The following FMNL3 variants were observed in gnomAD, a reference collection of about 807,000 sequenced individuals.
FMNL3 encodes the protein formin-like protein 3.
FMNL3 carries 57 observed loss-of-function variants against 119.6 expected under a neutral mutation model. That is an observed-to-expected ratio of 0.48 (90% CI 0.39 to 0.59). FMNL3 has a LOEUF of 0.59. Ranked by LOEUF, FMNL3 falls within the 20% of genes least tolerant of loss-of-function variation. FMNL3 has a pLI of 0.00. For missense variants in FMNL3, 1,053 were observed against 1,323.5 expected, an observed-to-expected ratio of 0.80 and a Z score of 3.17; for synonymous variants, 491 against 507.3, an observed-to-expected ratio of 0.97 and a Z score of 0.43.
Position 49,637,048 on chromosome 12 carries a change from C to T in FMNL3, c.*8767G>A. On this transcript the variant is annotated 3_prime_UTR_variant, in exon 26 of 26. Coordinates refer to ENST00000335154, the MANE Select transcript of FMNL3 (RefSeq NM_175736.5). ...TCTGGACTGTGCTCTTCTAGGGAGA[C>T]TAGATGTATGCACCACCCAGAAACT... 2 of 789,722 alleles carry T rather than the reference C, an allele frequency of 2.5e-6. No homozygotes were observed. The highest frequency in any genetic ancestry group is 1.8e-5 in the South Asian group (1 of 54,826). The allele number at this position is 789,722 out of a possible 1,614,324, so 48.9% of individuals were successfully genotyped here.
At position 49,641,785 on chromosome 12, in the gene FMNL3, C is replaced by T. The variant is rs1433083039; in HGVS notation, c.*4030G>A. Reference sequence around the variant, plus strand: ...ATAACTTGGTTTCTAATGCAGACCACAGTCCTGTGGATCTCTTCCAGAGGC... The same window carrying T: ...ATAACTTGGTTTCTAATGCAGACCATAGTCCTGTGGATCTCTTCCAGAGGC... On this transcript the variant is annotated 3_prime_UTR_variant, in exon 26 of 26. Transcript: ENST00000335154. 6 of 750,828 alleles carry T rather than the reference C, an allele frequency of 8.0e-6. No homozygotes were observed. The highest frequency in any genetic ancestry group is 1.1e-5 in the Non-Finnish European group (5 of 445,322). The allele number at this position is 750,828 out of a possible 1,614,324, so 46.5% of individuals were successfully genotyped here. A position where few individuals can be genotyped will look rare whatever the true frequency, so the allele number is the denominator to read the frequency against.
Position 49,661,954 on chromosome 12 carries a change from G to C in FMNL3, c.452+12C>G, listed in dbSNP as rs139559189. 3,334 of 1,613,428 alleles carry C rather than the reference G, an allele frequency of 2.1e-3. 33 individuals carry two copies. The highest frequency in any genetic ancestry group is 0.012 in the South Asian group (1,091 of 91,050). On this transcript the variant is annotated intron_variant, in intron 5 of 25. Transcript: ENST00000335154. ...AACTGGTCCCCAACTTCAGCCCCGGGGTGGTACTCACATGACAGAACACTG... is the reference window on the plus strand; with the variant it reads ...AACTGGTCCCCAACTTCAGCCCCGGCGTGGTACTCACATGACAGAACACTG...
At chr12:49,690,347 C>T (rs1173076976) in intron 1 of FMNL3, among the ~76,000 whole-genome samples, 3 of 152,136 alleles carry the variant, frequency 2.0e-5, no homozygotes, top group Non-Finnish European at 4.4e-5. Context: ...ATGGAATGAA[C>T]ATTTAGAATA....
chr12:49,659,364 C>G (rs543801578), intron 5 of FMNL3, among the ~76,000 whole-genome samples: 1 of 152,266 alleles, frequency 6.6e-6, no homozygotes, highest in East Asian at 1.9e-4. Flanking sequence ...AATGGTTTGT[C>G]ACTTTCTGCT....
chr12:49,655,531 C>G lies in FMNL3; in HGVS notation c.886-547G>C, dbSNP rs1322837191. On this transcript the variant is annotated intron_variant, in intron 9 of 25. Transcript: ENST00000335154. Reference sequence around the variant, plus strand: ...ATTCAGTAAAGCCTGTGCCCTTAAGCTGGGCTTTAGGTGCCTCTGGGGATA... The same window carrying G: ...ATTCAGTAAAGCCTGTGCCCTTAAGGTGGGCTTTAGGTGCCTCTGGGGATA... 2.6e-5 allele frequency among the ~76,000 whole-genome samples: 4 copies of G among 152,148 alleles called. No homozygotes were observed. In the South Asian group the frequency reaches 8.3e-4, roughly 31 times the overall value.
In FMNL3 at chr12:49,636,841, G is replaced by A; in HGVS notation, c.*8974C>T. ...ACGCCAACAACGCAAGAATCGGGAG[G>A]CCTTCCAGGTATCTTTGCTGTCCTT... On this transcript the variant is annotated 3_prime_UTR_variant, in exon 26 of 26. Coordinates refer to ENST00000335154, the MANE Select transcript of FMNL3 (RefSeq NM_175736.5). The A allele has an allele frequency of 6.2e-7, 1 of 1,613,922 alleles. No individual in the cohort carries two copies. Among genetic ancestry groups the A allele is most frequent in the Non-Finnish European group, 8.5e-7 (1 of 1,180,014 alleles).
chr12:49,697,682 AT>A (rs905180181), intron 1 of FMNL3, among the ~76,000 whole-genome samples: 2 of 152,200 alleles, frequency 1.3e-5, no homozygotes, highest in African/African-American at 4.8e-5. Flanking sequence ...AAAGTGGGTA[AT>A]GTATATACAA....
At position 49,642,480 on chromosome 12, in the gene FMNL3, C is replaced by A; in HGVS notation, c.*3335G>T. 6.4e-7 allele frequency: 1 copy of A among 1,572,244 alleles called. No homozygotes were observed. Among genetic ancestry groups the A allele is most frequent in the South Asian group, 1.1e-5 (1 of 89,470 alleles). On this transcript the variant is annotated 3_prime_UTR_variant, in exon 26 of 26. Transcript: ENST00000335154. This position sits in a 1 kb window ranked among gnomAD's most constrained non-coding sequence, Gnocchi z 5.8. The stretch of plus-strand genomic sequence containing the variant: ...TCACAGCCCTGGGCCAGCTCCAGTT[C>A]CCTTCCTTTCTCTGCCCCAGCCCTG...
Position 49,649,958 on chromosome 12 carries a change from A to C in FMNL3, c.2001-33T>G. ...GGAGGGAGGGACCACCTCAGTTCTC[A>C]CATCTCTCCACGTTTTCCCTCATCC... On this transcript the variant is annotated intron_variant, in intron 17 of 25. Transcript: ENST00000335154. This position sits in a 1 kb window ranked among gnomAD's most constrained non-coding sequence, Gnocchi z 5.6. 7.8e-5 allele frequency: 122 copies of C among 1,556,438 alleles called. No individual in the cohort carries two copies. The highest frequency in any genetic ancestry group is 9.9e-5 in the Non-Finnish European group (112 of 1,136,298).
At position 49,638,605 on chromosome 12, in the gene FMNL3, A is replaced by T. The variant is rs180790787; in HGVS notation, c.*7210T>A. 6.6e-6 allele frequency: 1 copy of T among 152,328 alleles called. No homozygotes were observed. The highest frequency in any genetic ancestry group is 1.5e-5 in the Non-Finnish European group (1 of 68,034). The allele number at this position is 152,328 out of a possible 1,614,324, so 9.4% of individuals were successfully genotyped here. ...GTGATGGACTAAACCTTGTGTTCCA[A>T]AAGAAAAAAACAAAGAGCATATTTC... On this transcript the variant is annotated 3_prime_UTR_variant, in exon 26 of 26. Transcript: ENST00000335154.
At position 49,644,628 on chromosome 12, in the gene FMNL3, T is replaced by A. The variant is rs1943084568; in HGVS notation, c.*1187A>T. 5.3e-6 allele frequency: 1 copy of A among 187,680 alleles called. No homozygotes were observed. The highest frequency in any genetic ancestry group is 1.0e-4 in the South Asian group (1 of 9,754). 11.6% of individuals were successfully genotyped at this position (187,680 alleles called of 1,614,324 possible). A position where few individuals can be genotyped will look rare whatever the true frequency, so the allele number is the denominator to read the frequency against. ...ACCCAGGACCTAATGTACGTGTGTT[T>A]TGTTTTTTGTTTTTTAAATAACAAT... On this transcript the variant is annotated 3_prime_UTR_variant, in exon 26 of 26. Transcript: ENST00000335154.
At chr12:49,697,727 A>G (rs796968378) in intron 1 of FMNL3, among the ~76,000 whole-genome samples, 1 of 152,236 alleles carries the variant, frequency 6.6e-6, no homozygotes, top group Admixed American at 6.5e-5. Flanking sequence ...TATAGGTTAC[A>G]AAGTGTTTTC....
At chr12:49,650,608 A>G (rs1258590594) in intron 17 of FMNL3, 68 bp downstream of exon 17, 5 of 1,568,588 alleles carry the variant, frequency 3.2e-6, no homozygotes, top group Admixed American at 1.7e-5. Context: ...AGGGAAACCC[A>G]GGCTCCTGGG....
chr12:49,667,156 T>C (rs1238697720), intron 2 of FMNL3, among the ~76,000 whole-genome samples: 3 of 152,128 alleles, frequency 2.0e-5, no homozygotes, highest in African/African-American at 7.2e-5. Context: ...CTTAGCATTC[T>C]GGTCCTATTA....
intron 1 of FMNL3, among the ~76,000 whole-genome samples, chr12:49,698,515 C>T (rs1490928474): frequency 3.7e-5 from 5 of 135,554 alleles, no homozygotes; most frequent in Admixed American, 2.8e-4. Flanking sequence ...AGATACTGCT[C>T]CCCACCCCCA....
In FMNL3 at chr12:49,656,367, A is replaced by C. The variant is rs750957397; in HGVS notation, c.885+37T>G. ...CCTAGCTCCCTGCCTTCTCCCCCGC[A>C]AACACACACACACACACGCGAAGCG... On this transcript the variant is annotated intron_variant, in intron 9 of 25. Transcript: ENST00000335154. 1.3e-5 allele frequency: 20 copies of C among 1,547,178 alleles called. No homozygotes were observed. In the African/African-American group the frequency reaches 2.5e-4, roughly 19 times the overall value.
chr12:49,674,280 TCA>T (rs1944124934), intron 1 of FMNL3, among the ~76,000 whole-genome samples: 1 of 152,064 alleles, frequency 6.6e-6, no homozygotes, highest in African/African-American at 2.4e-5. Context: ...AGAAAGGAAA[TCA>T]CAGAACAGTC....
intron 1 of FMNL3, among the ~76,000 whole-genome samples, chr12:49,670,269 G>A (rs1367664544): frequency 3.3e-5 from 5 of 152,194 alleles, no homozygotes; most frequent in Admixed American, 2.0e-4. Flanking sequence ...TCTAACTTTC[G>A]ATGGAACCAA....
chr12:49,646,020 G>T, intron 25 of FMNL3, 117 bp from the exon 26 acceptor site: 1 of 826,714 alleles, frequency 1.2e-6, no homozygotes, highest in East Asian at 2.8e-5. Flanking sequence ...AGATAAACAG[G>T]AGGCTTAGAT....
Sources: allele counts gnomAD v4.1 joint callset (sites outside exome capture counted in the v4.1 genomes callset), GRCh38; gene constraint gnomAD v4.1.1; non-coding constraint Gnocchi (gnomAD v3.1); transcripts MANE v1.5; gene names NCBI Gene and HGNC (gene_info 2026-07-23, HGNC 2026-07-21).